MELK: variants seen among roughly 807,000 people sequenced by gnomAD.
The protein encoded by MELK is maternal embryonic leucine zipper kinase.
In MELK, 81 loss-of-function variants were observed where a neutral mutation model predicts 85.0. The observed-to-expected ratio is 0.95, with a 90% CI of 0.80 to 1.15. The LOEUF (loss-of-function observed/expected upper bound fraction) is 1.15. Ranked by LOEUF, MELK falls within the 50% of genes most tolerant of loss-of-function variation. The pLI, the probability that MELK is intolerant of heterozygous loss-of-function variation, is 0.00. For synonymous variants in MELK, 252 were observed against 265.0 expected, an observed-to-expected ratio of 0.95 and a Z score of 0.48; for missense variants, 754 against 777.5, an observed-to-expected ratio of 0.97 and a Z score of 0.36.
intron 8 of MELK, among the ~76,000 whole-genome samples, chr9:36,629,270 A>G (rs907123688): frequency 9.9e-5 from 15 of 152,226 alleles, no homozygotes; most frequent in Admixed American, 6.5e-4. Flanking sequence ...TCTTAGCATC[A>G]TTAAACAATG....
chr9:36,630,304 A>G lies in MELK; in HGVS notation c.672A>G (p.Gly224=). 1 of 1,611,708 alleles carries G rather than the reference A, an allele frequency of 6.2e-7. No individual in the cohort carries two copies. The highest frequency in any genetic ancestry group is 1.7e-4 in the Middle Eastern group (1 of 6,060). The change falls in exon 9 of 18, where the codon GGA becomes GGG. Residue 224 remains glycine (G), a synonymous_variant. Coordinates refer to ENST00000298048, the MANE Select transcript of MELK (RefSeq NM_014791.4). ...VMALYKKIMR[G]KYDVPKWLSP... ...TAAATGCTTTGTTTTTGTAGAGAGG[A>G]AAATATGATGTTCCCAAGTGGCTCT...
chr9:36,666,991 A>G (rs1832441158), intron 14 of MELK, among the ~76,000 whole-genome samples: 2 of 151,362 alleles, frequency 1.3e-5, no homozygotes. Flanking sequence ...CTGCAATGGT[A>G]GCTGCTATTG....
intron 10 of MELK, among the ~76,000 whole-genome samples, chr9:36,637,286 G>A (rs1167313602): frequency 1.3e-5 from 2 of 152,172 alleles, no homozygotes; most frequent in African/African-American, 4.8e-5. Flanking sequence ...TTTCAAGGTT[G>A]TACAATTCTT....
At chr9:36,619,690 C>T (rs1827209275) in intron 8 of MELK, among the ~76,000 whole-genome samples, 1 of 152,198 alleles carries the variant, frequency 6.6e-6, no homozygotes, top group Non-Finnish European at 1.5e-5. Context: ...GAGATGCCTT[C>T]TGCAGGCCAG....
At position 36,630,604 on chromosome 9, in the gene MELK, C is replaced by G. The variant is rs577192954; in HGVS notation, c.735+237C>G. 5.3e-5 allele frequency among the ~76,000 whole-genome samples: 8 copies of G among 152,302 alleles called. No individual in the cohort carries two copies. In the South Asian group the frequency reaches 1.7e-3, roughly 32 times the overall value. ...TTACTTTGCGAATTTTCTGTTTTCT[C>G]TAACTAGTTCTTGTTCCACTCTCTT... On this transcript the variant is annotated intron_variant, in intron 9 of 17. Transcript: ENST00000298048.
At chr9:36,673,355 A>T (rs1833060518) in intron 16 of MELK, among the ~76,000 whole-genome samples, 1 of 152,026 alleles carries the variant, frequency 6.6e-6, no homozygotes, top group South Asian at 2.1e-4. Flanking sequence ...CATTATGTTG[A>T]CTCTCCTTTA....
At chr9:36,625,399 TAA>T (rs2136313938) in intron 8 of MELK, among the ~76,000 whole-genome samples, 1 of 152,212 alleles carries the variant, frequency 6.6e-6, no homozygotes, top group African/African-American at 2.4e-5. Context: ...AGGAATAAAG[TAA>T]AGCTCAGATA....
At chr9:36,635,584 A>G (rs1829051673) in intron 10 of MELK, among the ~76,000 whole-genome samples, 1 of 152,066 alleles carries the variant, frequency 6.6e-6, no homozygotes, top group African/African-American at 2.4e-5. Context: ...TTATCACTGC[A>G]TTTGTACCAT....
At chr9:36,615,136 TA>T (rs1366100277) in intron 8 of MELK, among the ~76,000 whole-genome samples, 64 of 122,542 alleles carry the variant, frequency 5.2e-4, no homozygotes, top group African/African-American at 1.8e-3. Flanking sequence ...CACTTCCCAG[TA>T]GGGGCGGCCG....
chr9:36,620,097 T>C (rs1375492795), intron 8 of MELK, among the ~76,000 whole-genome samples: 3 of 152,186 alleles, frequency 2.0e-5, no homozygotes, highest in Non-Finnish European at 4.4e-5. Flanking sequence ...CAGGGTCTTA[T>C]AGCTAGTGAG....
At chr9:36,601,024 GT>G (rs898767127) in intron 7 of MELK, among the ~76,000 whole-genome samples, 17 of 150,456 alleles carry the variant, frequency 1.1e-4, no homozygotes, top group African/African-American at 3.2e-4. Context: ...ATATATGCAT[GT>G]TTTTTTTTGA....
intron 10 of MELK, among the ~76,000 whole-genome samples, chr9:36,638,783 C>G (rs150303908): frequency 6.6e-6 from 1 of 152,160 alleles, no homozygotes; most frequent in African/African-American, 2.4e-5. Context: ...TTAATCTGTA[C>G]GCCAATCCTC....
chr9:36,606,313 G>A (rs552635305), intron 7 of MELK, among the ~76,000 whole-genome samples: 3 of 146,058 alleles, frequency 2.1e-5, no homozygotes, highest in Admixed American at 7.0e-5. Context: ...ATATACATAT[G>A]TATAGGTGTG....
chr9:36,605,585 C>T (rs1295189531), intron 7 of MELK, among the ~76,000 whole-genome samples: 2 of 151,836 alleles, frequency 1.3e-5, no homozygotes, highest in South Asian at 2.1e-4. Context: ...TTTGACATCT[C>T]GGAGGCGTAA....
intron 13 of MELK, among the ~76,000 whole-genome samples, chr9:36,665,127 G>T (rs1832212222): frequency 1.3e-5 from 2 of 152,096 alleles, no homozygotes; most frequent in Admixed American, 1.3e-4. Flanking sequence ...TATACACTCA[G>T]CCTGTATCAT....
intron 7 of MELK, among the ~76,000 whole-genome samples, chr9:36,603,465 T>G (rs934317390): frequency 6.6e-6 from 1 of 151,790 alleles, no homozygotes; most frequent in Non-Finnish European, 1.5e-5. Context: ...AGGGTGTCAC[T>G]CTGTCTCCCA....
chr9:36,675,811 A>G (rs1327392710), intron 17 of MELK, among the ~76,000 whole-genome samples: 3 of 152,240 alleles, frequency 2.0e-5, no homozygotes, highest in Admixed American at 6.5e-5. Flanking sequence ...AAATTTCTTT[A>G]TTAAAGCAAC....
chr9:36,662,390 C>T (rs1172093274), intron 13 of MELK, among the ~76,000 whole-genome samples: 1 of 151,818 alleles, frequency 6.6e-6, no homozygotes, highest in Non-Finnish European at 1.5e-5. Flanking sequence ...TTTACAGGCA[C>T]CCGCCACCAT....
At chr9:36,582,520 C>G (rs916921870) in intron 2 of MELK, among the ~76,000 whole-genome samples, 5 of 151,832 alleles carry the variant, frequency 3.3e-5, no homozygotes, top group Non-Finnish European at 5.9e-5. Flanking sequence ...ATTTTACACA[C>G]ACATATGTAC....
Sources: gnomAD v4.1 joint callset for allele counts (sites outside exome capture counted in the v4.1 genomes callset) on GRCh38, gnomAD v4.1.1 for gene constraint, MANE v1.5 for transcripts, NCBI Gene and HGNC (gene_info 2026-07-23, HGNC 2026-07-21) for gene names.